Variants in ABCC4 observed in about 807,000 individuals in gnomAD.
The protein encoded by ABCC4 is ATP-binding cassette sub-family C member 4.
ABCC4 carries 102 observed loss-of-function variants against 168.5 expected under a neutral mutation model. The observed-to-expected ratio is 0.61, with a 90% CI of 0.52 to 0.71. The LOEUF is 0.71. ABCC4 is among the 30% of genes least tolerant of loss of function. The pLI is 0.00. For synonymous variants in ABCC4, 617 were observed against 590.7 expected (o/e 1.04, Z -0.65); for missense variants, 1,402 against 1,605.8 (o/e 0.87, Z 2.17).
intron 14 of ABCC4, 39 bp from the exon 15 acceptor site, chr13:95,166,406 C>G: frequency 6.5e-7 from 1 of 1,529,020 alleles, no homozygotes; most frequent in Non-Finnish European, 9.0e-7. Flanking sequence ...GATACATGTG[C>G]AGGTGATAAT....
intron 2 of ABCC4, among the ~76,000 whole-genome samples, chr13:95,247,430 G>T (rs1448522938): frequency 6.6e-6 from 1 of 152,136 alleles, no homozygotes; most frequent in Non-Finnish European, 1.5e-5. Flanking sequence ...GGCCTTTGGT[G>T]CTGGCTCCCC....
intron 13 of ABCC4, among the ~76,000 whole-genome samples, chr13:95,176,150 TA>T (rs142931660): frequency 1.5e-5 from 2 of 137,584 alleles, no homozygotes; most frequent in Non-Finnish European, 3.0e-5. Context: ...TTCTTCCATT[TA>T]AAAAAAAAGA....
intron 4 of ABCC4, among the ~76,000 whole-genome samples, chr13:95,220,890 G>GGACACAC (rs1326879796): frequency 4.6e-5 from 7 of 152,186 alleles, no homozygotes; most frequent in African/African-American, 1.7e-4. Context: ...GACACAGGCA[G>GGACACAC]TTGCTCAGAG....
chr13:95,099,477 A>C (rs1044642184), intron 20 of ABCC4, among the ~76,000 whole-genome samples: 1 of 152,228 alleles, frequency 6.6e-6, no homozygotes, highest in African/African-American at 2.4e-5. Context: ...ATTTTATTGT[A>C]TATAAACTAT....
At chr13:95,069,456 G>A (rs1296022242) in intron 25 of ABCC4, among the ~76,000 whole-genome samples, 1 of 152,070 alleles carries the variant, frequency 6.6e-6, no homozygotes, top group Non-Finnish European at 1.5e-5. Context: ...TCAAATTGTG[G>A]TAAAGTAACA....
chr13:95,220,604 C>T (rs1396097821), intron 4 of ABCC4, among the ~76,000 whole-genome samples: 1 of 152,092 alleles, frequency 6.6e-6, no homozygotes, highest in East Asian at 1.9e-4. Flanking sequence ...ATTTTTACAA[C>T]CAAACATACC....
intron 19 of ABCC4, among the ~76,000 whole-genome samples, chr13:95,139,526 C>G (rs2036247948): frequency 6.6e-6 from 1 of 152,170 alleles, no homozygotes; most frequent in Non-Finnish European, 1.5e-5. Context: ...CCAGCCTTGG[C>G]ACCTACACAG....
intron 25 of ABCC4, among the ~76,000 whole-genome samples, chr13:95,070,205 T>C (rs1431652993): frequency 2.0e-5 from 3 of 152,156 alleles, no homozygotes; most frequent in Non-Finnish European, 2.9e-5. Flanking sequence ...GAATGTGACA[T>C]TGCACTCCAG....
chr13:95,037,707 T>C (rs1037918004), intron 29 of ABCC4, among the ~76,000 whole-genome samples: 4 of 152,304 alleles, frequency 2.6e-5, no homozygotes, highest in African/African-American at 9.6e-5. Context: ...TAAGACACCT[T>C]TTCATTTGGA....
At chr13:95,027,767 C>T (rs1258750251) in intron 30 of ABCC4, among the ~76,000 whole-genome samples, 1 of 152,062 alleles carries the variant, frequency 6.6e-6, no homozygotes, top group African/African-American at 2.4e-5. Context: ...AAATTATCTA[C>T]TACAAATTAA....
At chr13:95,171,406 AAT>A (rs1032135218) in intron 13 of ABCC4, among the ~76,000 whole-genome samples, 11 of 151,780 alleles carry the variant, frequency 7.2e-5, no homozygotes, top group African/African-American at 2.7e-4. Flanking sequence ...AAAAAAAAAA[AAT>A]TAGCCGGGTG....
intron 21 of ABCC4, chr13:95,075,765 C>T: frequency 2.1e-6 from 1 of 483,118 alleles, no homozygotes; most frequent in Non-Finnish European, 3.6e-6. Context: ...ACATAAGGGG[C>T]CTGGAAATAA....
At chr13:95,080,492 G>A (rs1042073602) in intron 21 of ABCC4, among the ~76,000 whole-genome samples, 5 of 152,052 alleles carry the variant, frequency 3.3e-5, no homozygotes, top group Non-Finnish European at 7.4e-5. Flanking sequence ...CTGCCTCCTG[G>A]GTTCAAGTGA....
intron 3 of ABCC4, among the ~76,000 whole-genome samples, chr13:95,246,369 G>A: frequency 6.6e-6 from 1 of 152,200 alleles, no homozygotes; most frequent in Non-Finnish European, 1.5e-5. Context: ...CCCACTGGGA[G>A]GGGGTAGCTC....
In ABCC4 at chr13:95,074,293, G is replaced by T; in HGVS notation, c.2838C>A (p.Arg946=). The T allele has an allele frequency of 1.9e-6, 3 of 1,613,670 alleles. No individual in the cohort carries two copies. Among genetic ancestry groups the T allele is most frequent in the South Asian group, 2.2e-5 (2 of 90,920 alleles). The change falls in exon 23 of 31, where the codon CGC becomes CGA. Residue 946 remains arginine, a synonymous_variant. Transcript: ENST00000645237. The part of the protein sequence containing the change: ...EAWFLFLTTS[R]WFAVRLDAIC... Reference sequence around the variant, plus strand: ...TGGCATCCAGACGGACGGCAAACCAGCGGGACGTTGTCAAAAACAAGAACC... The same window carrying T: ...TGGCATCCAGACGGACGGCAAACCATCGGGACGTTGTCAAAAACAAGAACC...
intron 1 of ABCC4, among the ~76,000 whole-genome samples, 186 bp from the exon 2 acceptor site, chr13:95,247,939 C>CACACACACAG (rs1491082478): frequency 6.6e-6 from 1 of 151,892 alleles, no homozygotes; most frequent in East Asian, 1.9e-4. Context: ...CACACACACA[C>CACACACACAG]AGTCCCTAGC....
intron 13 of ABCC4, among the ~76,000 whole-genome samples, chr13:95,173,290 G>A (rs140144652): frequency 1.0e-3 from 155 of 152,324 alleles, no homozygotes; most frequent in Non-Finnish European, 1.7e-3. Context: ...GCACAAATGC[G>A]CTGTGCAAAG....
chr13:95,048,749 C>A (rs1008159822), intron 27 of ABCC4, among the ~76,000 whole-genome samples: 1 of 152,190 alleles, frequency 6.6e-6, no homozygotes, highest in Admixed American at 6.5e-5. Context: ...ATAATTTCTC[C>A]ACTATTCCAA....
chr13:95,284,828 C>T (rs762894464), intron 1 of ABCC4, among the ~76,000 whole-genome samples: 1 of 152,036 alleles, frequency 6.6e-6, no homozygotes, highest in African/African-American at 2.4e-5. Flanking sequence ...GCTGTGTGAC[C>T]GTGGGAAATA....
Sources: gnomAD v4.1 joint callset for allele counts (sites outside exome capture counted in the v4.1 genomes callset) on GRCh38, gnomAD v4.1.1 for gene constraint, MANE v1.5 for transcripts, NCBI Gene and HGNC (gene_info 2026-07-23, HGNC 2026-07-21) for gene names.